The following KIF13A variants were observed in gnomAD, a reference collection of about 807,000 sequenced individuals.
The protein encoded by KIF13A is kinesin family member 13A.
In KIF13A, 79 loss-of-function variants were observed where a neutral mutation model predicts 212.2. The observed-to-expected ratio is 0.37, with a 90% CI of 0.31 to 0.45. The LOEUF is 0.45. Ranked by LOEUF, KIF13A falls within the 20% of genes least tolerant of loss-of-function variation. The pLI is 1.00. For synonymous variants in KIF13A, 789 were observed against 808.6 expected (o/e 0.98, Z 0.41); for missense variants, 1,901 against 2,209.0 (o/e 0.86, Z 2.79).
intron 9 of KIF13A, among the ~76,000 whole-genome samples, chr6:17,844,466 A>G (rs561746927): frequency 1.1e-4 from 16 of 152,242 alleles, no homozygotes; most frequent in Non-Finnish European, 1.9e-4. Context: ...TTTAGGGAAC[A>G]ACAAGCCAAA....
chr6:17,930,146 C>T (rs1037784149), intron 2 of KIF13A, among the ~76,000 whole-genome samples: 35 of 152,122 alleles, frequency 2.3e-4, no homozygotes, highest in Admixed American at 7.2e-4. Flanking sequence ...TGGCCAAGTG[C>T]TACGGAAACT....
intron 38 of KIF13A, among the ~76,000 whole-genome samples, chr6:17,767,941 T>TA (rs1297437082): frequency 6.6e-6 from 1 of 152,108 alleles, no homozygotes; most frequent in African/African-American, 2.4e-5. Context: ...CCCAAGAGAT[T>TA]AAGTTCAAAT....
rs1253750805 is a variant in KIF13A, at chr6:17,789,294, T to A, written c.3261+578A>T. On this transcript the variant is annotated intron_variant, in intron 26 of 38. Transcript: ENST00000259711. This position sits in a 1 kb window ranked among gnomAD's most constrained non-coding sequence, Gnocchi z 4.8. ...ATTCTATAGGTTATGGAGAACTAAGTGTGACCCAAATGAGAAAAGAAAGCT... is the reference window on the plus strand; with the variant it reads ...ATTCTATAGGTTATGGAGAACTAAGAGTGACCCAAATGAGAAAAGAAAGCT... Among the ~76,000 whole-genome samples the A allele has an allele frequency of 6.6e-6, 1 of 152,172 alleles. No homozygotes were observed. The highest frequency in any genetic ancestry group is 1.5e-5 in the Non-Finnish European group (1 of 68,048).
intron 6 of KIF13A, among the ~76,000 whole-genome samples, chr6:17,854,096 T>C (rs1442678253): frequency 1.3e-5 from 2 of 152,230 alleles, no homozygotes; most frequent in East Asian, 3.8e-4. Context: ...ATTGGGTCAC[T>C]TCCTTGTCAC....
chr6:17,795,224 C>T (rs766589658), intron 23 of KIF13A, among the ~76,000 whole-genome samples: 6 of 151,996 alleles, frequency 3.9e-5, no homozygotes, highest in Non-Finnish European at 8.8e-5. Context: ...AATTTATCCC[C>T]ATTCACTCAC....
At chr6:17,945,845 C>T (rs918724451) in intron 2 of KIF13A, among the ~76,000 whole-genome samples, 7 of 152,004 alleles carry the variant, frequency 4.6e-5, no homozygotes, top group Non-Finnish European at 1.0e-4. Flanking sequence ...AACAGAACAC[C>T]GAAACAGAAG....
intron 28 of KIF13A, among the ~76,000 whole-genome samples, chr6:17,784,525 T>TA (rs1333324692): frequency 6.6e-6 from 1 of 152,108 alleles, no homozygotes; most frequent in Admixed American, 6.6e-5. Flanking sequence ...AATTCTTATT[T>TA]AAAAAAATAA....
chr6:17,913,427 T>C (rs1218689049), intron 2 of KIF13A, among the ~76,000 whole-genome samples: 2 of 152,220 alleles, frequency 1.3e-5, no homozygotes, highest in African/African-American at 4.8e-5. Flanking sequence ...AAACATTCCT[T>C]GCTCTTACAG....
chr6:17,942,437 T>C (rs1459969017), intron 2 of KIF13A, among the ~76,000 whole-genome samples: 1 of 152,064 alleles, frequency 6.6e-6, no homozygotes, highest in African/African-American at 2.4e-5. Context: ...GGTGTTGTCA[T>C]TGAATTAGCT....
At chr6:17,903,786 T>C (rs1484867404) in intron 2 of KIF13A, among the ~76,000 whole-genome samples, 1 of 152,108 alleles carries the variant, frequency 6.6e-6, no homozygotes, top group Non-Finnish European at 1.5e-5. Flanking sequence ...CTAGGTGTCT[T>C]AGCAAGGGTT....
chr6:17,932,460 G>C (rs1776065522), intron 2 of KIF13A, among the ~76,000 whole-genome samples: 1 of 152,178 alleles, frequency 6.6e-6, no homozygotes, highest in Non-Finnish European at 1.5e-5. Flanking sequence ...ATTCTGCATA[G>C]TTGCATAAGG....
chr6:17,944,762 T>C (rs1358208596), intron 2 of KIF13A, among the ~76,000 whole-genome samples: 2 of 152,182 alleles, frequency 1.3e-5, no homozygotes, highest in African/African-American at 4.8e-5. Flanking sequence ...GATTATTCTA[T>C]GCTTGCTTCT....
chr6:17,881,951 G>T (rs1436044062), intron 3 of KIF13A: 1 of 451,318 alleles, frequency 2.2e-6, no homozygotes, highest in Non-Finnish European at 4.5e-6. Context: ...AGCTGAGATT[G>T]TGCCACTGCA....
rs376475593 is a variant in KIF13A, at chr6:17,838,320, C to CA, written c.831-738dup. On this transcript the variant is annotated intron_variant, in intron 9 of 38. Transcript: ENST00000259711. The surrounding 1 kb of genome is among the most constrained non-coding windows in gnomAD (Gnocchi z 4.2). The stretch of plus-strand genomic sequence containing the variant: ...TGGGCGACAGAGCAAGACTCCATCT[C>CA]AAAAAAAAAAAAAAGTTAAATGCTA... Among the ~76,000 whole-genome samples the CA allele has an allele frequency of 0.031, 3,986 of 127,814 alleles. 66 individuals carry two copies. Among genetic ancestry groups the CA allele is most frequent in the Non-Finnish European group, 0.046 (2,740 of 59,438 alleles). The allele number at this position is 127,814 out of a possible 152,430, so 83.9% of individuals were successfully genotyped here.
chr6:17,851,876 A>G, intron 7 of KIF13A, 79 bp downstream of exon 7: 1 of 657,096 alleles, frequency 1.5e-6, no homozygotes, highest in Non-Finnish European at 2.4e-6. Context: ...TAAAGCATCC[A>G]CATAAAATAT....
chr6:17,938,817 GA>G (rs1776703026), intron 2 of KIF13A, among the ~76,000 whole-genome samples: 1 of 103,394 alleles, frequency 9.7e-6, no homozygotes, highest in Admixed American at 1.0e-4. Flanking sequence ...GCCTTAGAGT[GA>G]ATTTTTTTTT....
intron 3 of KIF13A, among the ~76,000 whole-genome samples, chr6:17,894,639 T>C (rs1210613920): frequency 6.6e-6 from 1 of 152,204 alleles, no homozygotes; most frequent in African/African-American, 2.4e-5. Flanking sequence ...ATTAGTGTGG[T>C]ACATTTGTTA....
Position 17,779,676 on chromosome 6 carries a change from C to A in KIF13A, c.3855G>T (p.Thr1285=). ...GGGATATTCTCCTCTTCAAACTCTG[C>A]GTGAAACTCTAGTAGAAAAAAAAAA... ...AANIYNKQSF[T]QSLKRRISLK... The change falls in exon 32 of 39, where the codon ACG becomes ACT. Residue 1285 remains threonine, a synonymous_variant. Transcript: ENST00000259711. 1 of 1,414,626 alleles carries A rather than the reference C, an allele frequency of 7.1e-7. No homozygotes were observed. Among genetic ancestry groups the A allele is most frequent in the South Asian group, 1.2e-5 (1 of 82,612 alleles). The allele number at this position is 1,414,626 out of a possible 1,614,324, so 87.6% of individuals were successfully genotyped here.
In KIF13A at chr6:17,817,110, G is replaced by C; in HGVS notation, c.1910C>G (p.Pro637Arg). 6.2e-7 allele frequency: 1 copy of C among 1,614,010 alleles called. No individual in the cohort carries two copies. Among genetic ancestry groups the C allele is most frequent in the Non-Finnish European group, 8.5e-7 (1 of 1,179,904 alleles). Residue 637 changes from proline (P) to arginine (R), a missense_variant, in exon 17 of 39, where the codon CCC becomes CGC. Physicochemically the swap from Pro to Arg is moderately radical, Grantham distance 103 (BLOSUM62 -2). Around this residue, in one of 5 missense-constraint regions of KIF13A, gnomAD observed 534 missense variants for 536.9 expected, o/e 0.99. Coordinates refer to ENST00000259711, the MANE Select transcript of KIF13A (RefSeq NM_022113.6). ...GCCGCTACTCTGTGGCTGCCTGTCG[G>C]GGGAGAGCTGCTGGCGGAGTTGCTC... ...ELEQLRQQLS[P>R]DRQPQSSGPD...
Sources: allele counts gnomAD v4.1 joint callset (sites outside exome capture counted in the v4.1 genomes callset), GRCh38; gene constraint gnomAD v4.1.1; regional missense constraint gnomAD v4.1.1; non-coding constraint Gnocchi (gnomAD v3.1); transcripts MANE v1.5; gene names NCBI Gene and HGNC (gene_info 2026-07-23, HGNC 2026-07-21).